Variants in PPP3CC observed in about 807,000 individuals in gnomAD.
PPP3CC encodes protein phosphatase 3 catalytic subunit gamma.
Under a neutral mutation model 60.3 loss-of-function variants are expected in PPP3CC, and 35 were observed. The ratio of observed to expected loss-of-function variants is 0.58; its 90% CI spans 0.44 to 0.77. The LOEUF is 0.77. PPP3CC is among the 30% of genes least tolerant of loss of function. The pLI is 0.00. For missense variants in PPP3CC, 570 were observed against 628.9 expected, an observed-to-expected ratio of 0.91 and a Z score of 1.00; for synonymous variants, 206 against 224.3, an observed-to-expected ratio of 0.92 and a Z score of 0.73.
chr8:22,453,956 T>G (rs1298342856), intron 1 of PPP3CC, among the ~76,000 whole-genome samples: 1 of 152,194 alleles, frequency 6.6e-6, no homozygotes, highest in East Asian at 1.9e-4. Context: ...GGTGAGTGAA[T>G]GTGAAGGCCT....
Position 22,511,088 on chromosome 8 carries a change from C to G in PPP3CC, c.487C>G (p.Arg163Gly), listed in dbSNP as rs750657661. 15 of 1,612,104 alleles carry G rather than the reference C, an allele frequency of 9.3e-6. No homozygotes were observed. The highest frequency in any genetic ancestry group is 5.5e-5 in the South Asian group (5 of 90,532). ...GACTGGTTTTCCTTTTTTGTTAGGT[C>G]GAATCAAATATTCGGAACAGGTGTA... is the stretch of plus-strand genomic sequence containing the variant. ...TDYFTFKQEC[R>G]IKYSEQVYDA... Residue 163 changes from arginine (R) to glycine (G), a missense_variant and splice_region_variant, in exon 5 of 14, where the codon CGA becomes GGA. Physicochemically the swap from Arg to Gly is moderately radical, Grantham distance 125. Transcript: ENST00000240139.
At chr8:22,445,759 T>C (rs975435208) in intron 1 of PPP3CC, among the ~76,000 whole-genome samples, 1 of 152,240 alleles carries the variant, frequency 6.6e-6, no homozygotes, top group Non-Finnish European at 1.5e-5. Context: ...ATTTTCAATG[T>C]GAATACGTTT....
Position 22,540,817 on chromosome 8 carries a change from G to T in PPP3CC, c.*15G>T. 6.4e-7 allele frequency: 1 copy of T among 1,564,288 alleles called. No homozygotes were observed. The highest frequency in any genetic ancestry group is 8.7e-7 in the Non-Finnish European group (1 of 1,154,828). ...CCCATTCATGACTTAGAGTCCTGCC[G>T]TGGCTCAGGTGGATCTAAAACTCAA... On this transcript the variant is annotated 3_prime_UTR_variant, in exon 14 of 14. Coordinates refer to ENST00000240139, the MANE Select transcript of PPP3CC (RefSeq NM_005605.5).
rs573613943 is a variant in PPP3CC at position 22,513,404 on chromosome 8, A to G, written c.742A>G (p.Thr248Ala). The change falls in exon 6 of 14, where the codon ACT (threonine) becomes GCT (alanine). Residue 248 changes from threonine to alanine, a missense_variant. Thr to Ala is a moderately conservative substitution (Grantham distance 58). Coordinates refer to ENST00000240139, the MANE Select transcript of PPP3CC (RefSeq NM_005605.5). Reference sequence around the variant, plus strand: ...GACCTTGGAGCACTATACCCACAACACTGTCCGAGGGTGCTCTTATTTCTA... The same window carrying G: ...GACCTTGGAGCACTATACCCACAACGCTGTCCGAGGGTGCTCTTATTTCTA... Reference protein sequence around the residue: ...EKTLEHYTHNTVRGCSYFYSY... With the variant: ...EKTLEHYTHNAVRGCSYFYSY... 8.7e-6 allele frequency: 14 copies of G among 1,613,392 alleles called. No individual in the cohort carries two copies. In the East Asian group the frequency reaches 3.1e-4, roughly 36 times the overall value.
intron 1 of PPP3CC, among the ~76,000 whole-genome samples, chr8:22,457,022 TC>T (rs1837218009): frequency 1.5e-5 from 1 of 66,140 alleles, no homozygotes; most frequent in African/African-American, 7.2e-5. Flanking sequence ...CCTCCCTTCC[TC>T]CCTTCCTCCC....
At chr8:22,488,810 G>A (rs1362194606) in intron 3 of PPP3CC, among the ~76,000 whole-genome samples, 1 of 152,144 alleles carries the variant, frequency 6.6e-6, no homozygotes, top group Non-Finnish European at 1.5e-5. Context: ...CATAGATCAG[G>A]GGAACTACAT....
At chr8:22,474,910 T>C in intron 1 of PPP3CC, 44 bp from the exon 2 acceptor site, 1 of 1,239,730 alleles carries the variant, frequency 8.1e-7, no homozygotes, top group Non-Finnish European at 1.1e-6. Flanking sequence ...GTTTGTTCTC[T>C]ATACATTTAA....
chr8:22,480,488 T>A (rs1396783955), intron 3 of PPP3CC, among the ~76,000 whole-genome samples: 2 of 152,232 alleles, frequency 1.3e-5, no homozygotes, highest in Admixed American at 6.5e-5. Context: ...AATTTAATTT[T>A]ATTTTTTTGA....
intron 12 of PPP3CC, among the ~76,000 whole-genome samples, chr8:22,535,736 T>G (rs1366617501): frequency 6.6e-6 from 1 of 152,204 alleles, no homozygotes; most frequent in African/African-American, 2.4e-5. Flanking sequence ...AAACCCATTT[T>G]TTTTCTTTTC....
intron 6 of PPP3CC, among the ~76,000 whole-genome samples, chr8:22,519,335 A>T (rs759914569): frequency 2.6e-5 from 4 of 152,176 alleles, no homozygotes; most frequent in African/African-American, 7.2e-5. Context: ...CCATTCACTC[A>T]TACTATATCT....
At chr8:22,525,107 C>T (rs1445622078) in intron 8 of PPP3CC, among the ~76,000 whole-genome samples, 1 of 152,024 alleles carries the variant, frequency 6.6e-6, no homozygotes, top group African/African-American at 2.4e-5. Flanking sequence ...GCTGTGATCA[C>T]ACCACTGCAT....
chr8:22,500,184 A>G lies in PPP3CC; in HGVS notation c.484+2072A>G, dbSNP rs1035854874. On this transcript the variant is annotated intron_variant, in intron 4 of 13. Coordinates refer to ENST00000240139, the MANE Select transcript of PPP3CC (RefSeq NM_005605.5). The stretch of plus-strand genomic sequence containing the variant: ...AAATATGTATATTGGGTTATACGCC[A>G]AAAAAATTTTTTATTTTTGTGATGA... 2.6e-5 allele frequency among the ~76,000 whole-genome samples: 4 copies of G among 151,688 alleles called. No individual in the cohort carries two copies. In the South Asian group the frequency reaches 6.2e-4, roughly 24 times the overall value.
intron 1 of PPP3CC, among the ~76,000 whole-genome samples, chr8:22,472,605 G>A (rs1837763773): frequency 6.6e-6 from 1 of 152,054 alleles, no homozygotes; most frequent in South Asian, 2.1e-4. Context: ...TCAGAAATTT[G>A]CCCATGGTGT....
chr8:22,516,410 A>G (rs1839244922), intron 6 of PPP3CC, among the ~76,000 whole-genome samples: 1 of 152,206 alleles, frequency 6.6e-6, no homozygotes, highest in African/African-American at 2.4e-5. Flanking sequence ...ATATCTTTCA[A>G]AGGTATTTGT....
At chr8:22,517,382 T>A (rs1419330504) in intron 6 of PPP3CC, among the ~76,000 whole-genome samples, 2 of 152,222 alleles carry the variant, frequency 1.3e-5, no homozygotes, top group African/African-American at 2.4e-5. Context: ...CCTCATAATG[T>A]GAGTTTGGAA....
intron 1 of PPP3CC, among the ~76,000 whole-genome samples, chr8:22,448,570 G>A (rs948544875): frequency 2.0e-5 from 3 of 151,916 alleles, no homozygotes; most frequent in Non-Finnish European, 4.4e-5. Flanking sequence ...GTAGAGACGA[G>A]GTTTCTCCGT....
intron 1 of PPP3CC, 126 bp downstream of exon 1, chr8:22,441,584 A>G: frequency 9.4e-7 from 1 of 1,066,568 alleles, no homozygotes; most frequent in Non-Finnish European, 1.2e-6. Context: ...AGGGGTGTAG[A>G]CAGAGCCGGG....
chr8:22,460,416 T>A (rs187211544), intron 1 of PPP3CC, among the ~76,000 whole-genome samples: 3 of 151,340 alleles, frequency 2.0e-5, no homozygotes, highest in African/African-American at 7.3e-5. Context: ...GGTCTCAAAC[T>A]CCTGTCCTCA....
intron 4 of PPP3CC, among the ~76,000 whole-genome samples, chr8:22,507,380 T>G (rs1464155528): frequency 6.6e-6 from 1 of 152,224 alleles, no homozygotes; most frequent in African/African-American, 2.4e-5. Context: ...AAATTTGTCT[T>G]GAAAATAAAG....
Sources: allele counts gnomAD v4.1 joint callset (sites outside exome capture counted in the v4.1 genomes callset), GRCh38; gene constraint gnomAD v4.1.1; transcripts MANE v1.5; gene names NCBI Gene and HGNC (gene_info 2026-07-23, HGNC 2026-07-21).